VPS13A: variants seen among roughly 807,000 people sequenced by gnomAD.
VPS13A encodes the protein vacuolar protein sorting 13 homolog A.
VPS13A carries 264 observed loss-of-function variants against 390.9 expected under a neutral mutation model. That is an observed-to-expected ratio of 0.68 (90% CI 0.61 to 0.75). VPS13A has a LOEUF of 0.75. Among genes scored for constraint, VPS13A ranks in the 30% least tolerant of loss-of-function variants. The pLI is 0.00. For synonymous variants in VPS13A, 1,231 were observed against 1,227.1 expected, an observed-to-expected ratio of 1.00 and a Z score of -0.07; for missense variants, 3,409 against 3,733.9, an observed-to-expected ratio of 0.91 and a Z score of 2.27.
intron 58 of VPS13A, among the ~76,000 whole-genome samples, chr9:77,359,616 G>A (rs1587655913): frequency 1.3e-5 from 2 of 152,088 alleles, no homozygotes; most frequent in East Asian, 1.9e-4. Flanking sequence ...TCGGGAGTTC[G>A]AGACCAACCT....
rs1217346193 is a variant in VPS13A, at chr9:77,418,145, A to ATCT, written c.*2144_*2146dup. The ATCT allele has an allele frequency of 2.6e-5, 4 of 152,230 alleles. No homozygotes were observed. The highest frequency in any genetic ancestry group is 9.6e-5 in the African/African-American group (4 of 41,460). The allele number at this position is 152,230 out of a possible 1,614,324, so 9.4% of individuals were successfully genotyped here. A position where few individuals can be genotyped will look rare whatever the true frequency, so the allele number is the denominator to read the frequency against. On this transcript the variant is annotated 3_prime_UTR_variant, in exon 72 of 72. Transcript: ENST00000360280. ...ATTTTTCTTGAAGGTTAGAATAAGA[A>ATCT]TCTTCTTGTATTTGAAAACCATCTG...
At chr9:77,283,868 G>C (rs982561695) in intron 31 of VPS13A, among the ~76,000 whole-genome samples, 1 of 151,796 alleles carries the variant, frequency 6.6e-6, no homozygotes, top group East Asian at 1.9e-4. Context: ...TTCTTTATTT[G>C]TAAAATGAGG....
At chr9:77,296,801 G>T (rs940213502) in intron 33 of VPS13A, among the ~76,000 whole-genome samples, 6 of 152,146 alleles carry the variant, frequency 3.9e-5, no homozygotes, top group African/African-American at 1.4e-4. Flanking sequence ...GAGTTTGCTT[G>T]TGGGAGATTT....
intron 20 of VPS13A, among the ~76,000 whole-genome samples, chr9:77,247,773 G>A (rs1348446449): frequency 2.6e-5 from 4 of 152,092 alleles, no homozygotes; most frequent in Admixed American, 2.6e-4. Context: ...TGATTCTCAG[G>A]CCTCAGCCTC....
At position 77,283,566 on chromosome 9, in the gene VPS13A, T is replaced by C. The variant is rs778359537; in HGVS notation, c.3255T>C (p.Ile1085=). The C allele has an allele frequency of 2.5e-6, 4 of 1,613,414 alleles. No homozygotes were observed. The Admixed American group carries it at 5.0e-5, about 20-fold the overall frequency. ...CCTTAGGGCTTGATTCTGAGATGAT[T>C]ATGAGGCCTTCAGAAACTGAAATAA... The part of the protein sequence containing the change: ...IKIEGLDSEM[I]MRPSETEINA... The change falls in exon 31 of 72, where the codon ATT becomes ATC. Residue 1085 remains isoleucine (I), a synonymous_variant. Coordinates refer to ENST00000360280, the MANE Select transcript of VPS13A (RefSeq NM_033305.3).
chr9:77,297,172 A>G (rs534121933), intron 33 of VPS13A, among the ~76,000 whole-genome samples: 55 of 151,098 alleles, frequency 3.6e-4, no homozygotes, highest in African/African-American at 7.5e-4. Context: ...TGCTCTTTTT[A>G]TAAGTTTTTT....
intron 38 of VPS13A, among the ~76,000 whole-genome samples, 162 bp from the exon 39 acceptor site, chr9:77,316,012 A>G (rs984803254): frequency 2.0e-5 from 3 of 151,908 alleles, no homozygotes; most frequent in African/African-American, 4.8e-5. Flanking sequence ...TCTTATGCCT[A>G]TAGCTTCTTC....
At chr9:77,340,043 T>A (rs952103570) in intron 48 of VPS13A, 132 bp downstream of exon 48, 2 of 1,343,598 alleles carry the variant, frequency 1.5e-6, no homozygotes, top group South Asian at 1.3e-5. Context: ...CCAAAAAGAT[T>A]AGAATTTAAT....
intron 7 of VPS13A, among the ~76,000 whole-genome samples, chr9:77,210,979 C>A (rs1490726185): frequency 1.3e-5 from 2 of 152,116 alleles, no homozygotes; most frequent in South Asian, 2.1e-4. Flanking sequence ...AATAAATGTT[C>A]ATATCTGAAA....
chr9:77,268,866 G>A (rs945979974), intron 23 of VPS13A, among the ~76,000 whole-genome samples: 12 of 151,886 alleles, frequency 7.9e-5, no homozygotes, highest in African/African-American at 2.9e-4. Flanking sequence ...CTTGAACTCT[G>A]GAGGTGGAGG....
chr9:77,314,164 T>G, intron 36 of VPS13A, 45 bp downstream of exon 36: 1 of 1,603,908 alleles, frequency 6.2e-7, no homozygotes, highest in African/African-American at 1.3e-5. Flanking sequence ...ATGTGAAATT[T>G]GCATAGGTTG....
rs1828480112 is a variant in VPS13A at position 77,303,116 on chromosome 9, C to T, written c.3960+54C>T. On this transcript the variant is annotated intron_variant, in intron 34 of 71. Transcript: ENST00000360280. Reference sequence around the variant, plus strand: ...TTGTTTTGCTTGTTGAAAAATACTGCTTGGGGACATAAGGCATCATTTGAG... The same window carrying T: ...TTGTTTTGCTTGTTGAAAAATACTGTTTGGGGACATAAGGCATCATTTGAG... The T allele has an allele frequency of 6.3e-6, 10 of 1,590,032 alleles. No individual in the cohort carries two copies. In the East Asian group the frequency reaches 1.8e-4, roughly 29 times the overall value.
chr9:77,248,040 ATTAC>A (rs1284897983), intron 20 of VPS13A, among the ~76,000 whole-genome samples: 9 of 152,306 alleles, frequency 5.9e-5, no homozygotes, highest in South Asian at 2.1e-4. Flanking sequence ...CTATTACTTG[ATTAC>A]TTAAAGTATA....
At chr9:77,321,804 T>C in intron 44 of VPS13A, 58 bp downstream of exon 44, 1 of 1,590,030 alleles carries the variant, frequency 6.3e-7, no homozygotes, top group East Asian at 2.2e-5. Context: ...ACAATTTACA[T>C]GTTATTTTAC....
chr9:77,410,200 C>G (rs558095407), intron 71 of VPS13A, among the ~76,000 whole-genome samples: 4 of 152,010 alleles, frequency 2.6e-5, no homozygotes, highest in Non-Finnish European at 5.9e-5. Flanking sequence ...AAACTAAGCT[C>G]CATAAGTGAA....
chr9:77,213,723 C>T (rs143038167), intron 9 of VPS13A, among the ~76,000 whole-genome samples: 2,149 of 152,044 alleles, frequency 0.014, 49 homozygotes, highest in African/African-American at 0.049. Context: ...AAATTTGTCT[C>T]AAACTCCTGG....
At chr9:77,254,339 T>C (rs1825323433) in intron 22 of VPS13A, among the ~76,000 whole-genome samples, 1 of 152,208 alleles carries the variant, frequency 6.6e-6, no homozygotes, top group Non-Finnish European at 1.5e-5. Context: ...TAGTTGAAAA[T>C]CATTTATCCA....
intron 68 of VPS13A, chr9:77,382,830 A>G (rs185425969): frequency 1.0e-5 from 10 of 985,282 alleles, no homozygotes; most frequent in South Asian, 9.4e-5. Flanking sequence ...ATCTGGAACA[A>G]TAGACAGTTT....
In VPS13A at chr9:77,370,603, A is replaced by G. The variant is rs747750168; in HGVS notation, c.8907+25A>G. 4 of 1,613,888 alleles carry G rather than the reference A, an allele frequency of 2.5e-6. 1 individual carries two copies. The South Asian group carries it at 4.4e-5, about 18-fold the overall frequency. ...TGTAAGAAATTTCACAGGGTTGTGA[A>G]GATTTTGGGAAATATCTTTTAAACA... On this transcript the variant is annotated intron_variant, in intron 65 of 71. Coordinates refer to ENST00000360280, the MANE Select transcript of VPS13A (RefSeq NM_033305.3).
Sources: allele counts gnomAD v4.1 joint callset (sites outside exome capture counted in the v4.1 genomes callset), GRCh38; gene constraint gnomAD v4.1.1; transcripts MANE v1.5; gene names NCBI Gene and HGNC (gene_info 2026-07-23, HGNC 2026-07-21).